VPS13D: variants seen among roughly 807,000 people sequenced by gnomAD.
VPS13D encodes vacuolar protein sorting 13 homolog D.
VPS13D carries 187 observed loss-of-function variants against 461.9 expected under a neutral mutation model. The observed-to-expected ratio is 0.40, with a 90% CI of 0.36 to 0.46. VPS13D has a LOEUF of 0.46. VPS13D is among the 20% of genes least tolerant of loss of function. The pLI, the probability that VPS13D is intolerant of heterozygous loss-of-function variation, is 0.60. For missense variants in VPS13D, 4,711 were observed against 5,364.9 expected, an observed-to-expected ratio of 0.88 and a Z score of 3.81; for synonymous variants, 1,951 against 1,986.3, an observed-to-expected ratio of 0.98 and a Z score of 0.47.
In VPS13D at chr1:12,234,241, A is replaced by G; in HGVS notation, c.-26A>G. On this transcript the variant is annotated 5_prime_UTR_variant, in exon 2 of 70. An upstream open reading frame in the 5' UTR loses its in-frame stop. Coordinates refer to ENST00000620676, the MANE Select transcript of VPS13D (RefSeq NM_015378.4). ...AAATAAAGAATGATCCATGATTTCT[A>G]AACACCTTTTCCTGAGGATATAGTC... 9.9e-6 allele frequency: 15 copies of G among 1,511,006 alleles called. No individual in the cohort carries two copies. Among genetic ancestry groups the G allele is most frequent in the Non-Finnish European group, 1.4e-5 (15 of 1,094,002 alleles). 93.6% of individuals were successfully genotyped at this position (1,511,006 alleles called of 1,614,324 possible).
At chr1:12,335,927 A>AACCTAC (rs750835909) in intron 39 of VPS13D, 100 bp downstream of exon 39, 4 of 1,543,784 alleles carry the variant, frequency 2.6e-6, no homozygotes, top group Admixed American at 1.8e-5. Flanking sequence ...TGCGTGGAAA[A>AACCTAC]ACCTACAGGA....
chr1:12,231,345 T>A (rs1396702720), intron 1 of VPS13D, among the ~76,000 whole-genome samples: 2 of 152,250 alleles, frequency 1.3e-5, no homozygotes, highest in Admixed American at 6.5e-5. Flanking sequence ...ACGGTCTAGA[T>A]GCTTAGCAGA....
intron 34 of VPS13D, 83 bp from the exon 35 acceptor site, chr1:12,323,623 T>G (rs1643101883): frequency 7.9e-6 from 11 of 1,395,128 alleles, no homozygotes; most frequent in Non-Finnish European, 1.1e-5. Context: ...GTTTTTAAAT[T>G]TCTTTTCTTT....
intron 29 of VPS13D, among the ~76,000 whole-genome samples, chr1:12,312,219 T>G (rs1290788203): frequency 6.6e-6 from 1 of 152,232 alleles, no homozygotes; most frequent in African/African-American, 2.4e-5. Context: ...TCTGGGCTGC[T>G]CTGCTTGTTG....
chr1:12,371,372 A>G (rs1175746011), intron 54 of VPS13D, among the ~76,000 whole-genome samples: 1 of 149,402 alleles, frequency 6.7e-6, no homozygotes, highest in Admixed American at 6.7e-5. Context: ...ACATTGTAGC[A>G]TGTGGCAATG....
Position 12,356,025 on chromosome 1 carries a change from T to G in VPS13D, c.9806T>G (p.Val3269Gly), listed in dbSNP as rs1221957471. 5.0e-6 allele frequency: 8 copies of G among 1,614,086 alleles called. No homozygotes were observed. The highest frequency in any genetic ancestry group is 5.1e-6 in the Non-Finnish European group (6 of 1,179,978). The change falls in exon 48 of 70, where the codon GTG becomes GGG. Residue 3269 changes from valine (V) to glycine (G), a missense_variant. By Grantham distance (109) the Val-to-Gly change is moderately radical (BLOSUM62 -3). This residue lies in a region of VPS13D where 4,411 missense variants were observed against 4,937.8 expected (regional missense o/e 0.89). Transcript: ENST00000620676. ...RRQLNLTIRIVCRAEGSLKIF... is the reference protein window; with the variant it reads ...RRQLNLTIRIGCRAEGSLKIF... ...CAGCTGAACCTCACCATCCGGATTG[T>G]GTGTCGAGCAGAAGGATCCTTAAAG...
chr1:12,376,426 A>G (rs1296641825), intron 55 of VPS13D, among the ~76,000 whole-genome samples: 5 of 152,276 alleles, frequency 3.3e-5, no homozygotes, highest in African/African-American at 1.2e-4. Context: ...GTCTGTAAAG[A>G]GATGTAATGA....
At chr1:12,376,317 A>G (rs1644198343) in intron 55 of VPS13D, among the ~76,000 whole-genome samples, 1 of 152,198 alleles carries the variant, frequency 6.6e-6, no homozygotes, top group Non-Finnish European at 1.5e-5. Context: ...CCACTTAAAG[A>G]TATATAGTAT....
chr1:12,255,489 T>C (rs1640890136), intron 7 of VPS13D, among the ~76,000 whole-genome samples: 1 of 152,058 alleles, frequency 6.6e-6, no homozygotes, highest in Non-Finnish European at 1.5e-5. Context: ...CTGATGTCGT[T>C]GGTTGCCTCT....
chr1:12,462,397 C>T (rs909724694), intron 67 of VPS13D, among the ~76,000 whole-genome samples: 3 of 152,210 alleles, frequency 2.0e-5, no homozygotes, highest in Non-Finnish European at 4.4e-5. Context: ...AAGGGAACTA[C>T]TGTGTGTGCA....
At chr1:12,493,861 A>G (rs1557475771) in intron 67 of VPS13D, among the ~76,000 whole-genome samples, 1 of 152,248 alleles carries the variant, frequency 6.6e-6, no homozygotes, top group Non-Finnish European at 1.5e-5. Context: ...CAGCCTACCA[A>G]CTTGGACCTG....
intron 65 of VPS13D, among the ~76,000 whole-genome samples, chr1:12,427,318 C>T (rs1644936068): frequency 6.8e-6 from 1 of 148,102 alleles, no homozygotes; most frequent in Non-Finnish European, 1.5e-5. Context: ...AAACGGAGAC[C>T]CAGTGGAAGT....
chr1:12,414,503 G>A (rs1428641016), intron 63 of VPS13D, among the ~76,000 whole-genome samples: 1 of 152,116 alleles, frequency 6.6e-6, no homozygotes, highest in Non-Finnish European at 1.5e-5. Context: ...TCTATGAGAA[G>A]CCACCTACAA....
chr1:12,401,596 C>T lies in VPS13D; in HGVS notation c.11785-12C>T, dbSNP rs762713270. 1.5e-5 allele frequency: 24 copies of T among 1,599,936 alleles called. No homozygotes were observed. In the Admixed American group the frequency reaches 3.5e-4, roughly 23 times the overall value. On this transcript the variant is annotated splice_polypyrimidine_tract_variant and intron_variant, in intron 61 of 69. Coordinates refer to ENST00000620676, the MANE Select transcript of VPS13D (RefSeq NM_015378.4). ...GTGTTCACACTTTAAATCAGAATTT[C>T]TTTATCTCTAGCATCTGATGATCAC...
intron 66 of VPS13D, among the ~76,000 whole-genome samples, chr1:12,456,651 A>G (rs1179621052): frequency 6.6e-6 from 1 of 151,610 alleles, no homozygotes; most frequent in Non-Finnish European, 1.5e-5. Context: ...AAAAAAAAAA[A>G]AAAAAAAAAG....
chr1:12,318,699 T>C (rs1281328799), intron 31 of VPS13D, among the ~76,000 whole-genome samples: 1 of 152,242 alleles, frequency 6.6e-6, no homozygotes, highest in Non-Finnish European at 1.5e-5. Context: ...AAGTTTCGTA[T>C]GTGAAAACCT....
chr1:12,494,201 A>G (rs1445405609), intron 67 of VPS13D, among the ~76,000 whole-genome samples: 3 of 152,216 alleles, frequency 2.0e-5, no homozygotes, highest in Non-Finnish European at 4.4e-5. Context: ...AGAACCCTGG[A>G]AATGGGAAGA....
At position 12,260,960 on chromosome 1, in the gene VPS13D, C is replaced by A; in HGVS notation, c.1225C>A (p.Pro409Thr). Residue 409 changes from proline (P) to threonine (T), a missense_variant, in exon 12 of 70, where the codon CCT (proline) becomes ACT (threonine). Physicochemically the swap from Pro to Thr is conservative, Grantham distance 38. Around this residue, in one of 3 missense-constraint regions of VPS13D, gnomAD observed 4,411 missense variants for 4,937.8 expected, o/e 0.89. Coordinates refer to ENST00000620676, the MANE Select transcript of VPS13D (RefSeq NM_015378.4). Reference sequence around the variant, plus strand: ...GTGATTGACACAGAGTCTGCGGGAGCCTCAGTTTGATTCTCCAGGAGCCTG... The same window carrying A: ...GTGATTGACACAGAGTCTGCGGGAGACTCAGTTTGATTCTCCAGGAGCCTG... ...QEELAESLRE[P>T]QFDSPGACPG... is the part of the protein sequence containing the mutation. 1 of 1,613,864 alleles carries A rather than the reference C, an allele frequency of 6.2e-7. No individual in the cohort carries two copies. The highest frequency in any genetic ancestry group is 8.5e-7 in the Non-Finnish European group (1 of 1,180,012).
intron 56 of VPS13D, 69 bp from the exon 57 acceptor site, chr1:12,379,419 C>G: frequency 7.1e-7 from 1 of 1,418,236 alleles, no homozygotes; most frequent in Non-Finnish European, 9.8e-7. Context: ...CCATCATCCT[C>G]ATGTTCCCTT....
Sources: gnomAD v4.1 joint callset for allele counts (sites outside exome capture counted in the v4.1 genomes callset) on GRCh38, gnomAD v4.1.1 for gene constraint, gnomAD v4.1.1 regional missense constraint, MANE v1.5 for transcripts, NCBI Gene and HGNC (gene_info 2026-07-23, HGNC 2026-07-21) for gene names.